CDC40: variants seen among roughly 807,000 people sequenced by gnomAD.
CDC40 encodes cell division cycle 40.
CDC40 carries 27 observed loss-of-function variants against 80.6 expected under a neutral mutation model. The observed-to-expected ratio is 0.33, with a 90% CI of 0.25 to 0.46. The LOEUF (loss-of-function observed/expected upper bound fraction) is 0.46, where lower values mean the gene tolerates loss of function less well. CDC40 is among the 20% of genes least tolerant of loss of function. The pLI is 1.00. For missense variants in CDC40, 486 were observed against 694.1 expected (o/e 0.70, Z 3.37); for synonymous variants, 221 against 232.6 (o/e 0.95, Z 0.45).
At chr6:110,223,272 A>C (rs1282219135) in intron 12 of CDC40, among the ~76,000 whole-genome samples, 1 of 152,120 alleles carries the variant, frequency 6.6e-6, no homozygotes, top group East Asian at 1.9e-4. Flanking sequence ...TTTTGTAAGA[A>C]TAGGGTCTCA....
intron 1 of CDC40, among the ~76,000 whole-genome samples, chr6:110,187,920 A>G (rs1777295981): frequency 1.3e-5 from 2 of 152,178 alleles, no homozygotes; most frequent in East Asian, 3.8e-4. Context: ...ATTGGTATTG[A>G]ATGCCTCATG....
chr6:110,209,076 TAACG>T lies in CDC40; in HGVS notation c.491-7_491-4del. ...GTTTTTTTTTTAATTTTTTTTTTGT[TAACG>T]TAGGTTTAACTGTATTTGAAACTGG... On this transcript the variant is annotated splice_region_variant and splice_polypyrimidine_tract_variant and intron_variant, in intron 4 of 14. Transcript: ENST00000307731. 3 of 1,481,814 alleles carry T rather than the reference TAACG, an allele frequency of 2.0e-6. No individual in the cohort carries two copies. The highest frequency in any genetic ancestry group is 1.3e-5 in the South Asian group (1 of 78,472). The allele number at this position is 1,481,814 out of a possible 1,614,324, so 91.8% of individuals were successfully genotyped here.
intron 1 of CDC40, among the ~76,000 whole-genome samples, chr6:110,181,682 T>C (rs1777196817): frequency 6.6e-6 from 1 of 152,212 alleles, no homozygotes; most frequent in Admixed American, 6.5e-5. Context: ...TCTTCTCCTT[T>C]CACAGCTCAG....
At chr6:110,217,946 A>G in intron 10 of CDC40, 143 bp downstream of exon 10, 1 of 530,306 alleles carries the variant, frequency 1.9e-6, no homozygotes, top group South Asian at 2.2e-5. Flanking sequence ...ATCACAAAAT[A>G]CATTTGTAAG....
At chr6:110,206,525 C>T (rs1777564956) in intron 3 of CDC40, among the ~76,000 whole-genome samples, 1 of 152,160 alleles carries the variant, frequency 6.6e-6, no homozygotes, top group Admixed American at 6.5e-5. Context: ...CTTAAATTCC[C>T]ATGGACCACT....
intron 3 of CDC40, among the ~76,000 whole-genome samples, chr6:110,207,085 C>T (rs939726613): frequency 6.6e-6 from 1 of 151,788 alleles, no homozygotes; most frequent in Admixed American, 6.6e-5. Context: ...GAGGCCAAGG[C>T]GGTGGATCAT....
intron 2 of CDC40, among the ~76,000 whole-genome samples, chr6:110,194,728 T>G (rs1777397362): frequency 6.6e-6 from 1 of 152,358 alleles, no homozygotes; most frequent in South Asian, 2.1e-4. Context: ...AAAAGTACTT[T>G]AATAAAATGG....
At chr6:110,196,410 G>T (rs113790110) in intron 2 of CDC40, among the ~76,000 whole-genome samples, 1 of 152,068 alleles carries the variant, frequency 6.6e-6, no homozygotes, top group African/African-American at 2.4e-5. Flanking sequence ...GATAGAACTC[G>T]AAGACATAGT....
At chr6:110,226,462 AAC>A (rs1209182486) in intron 13 of CDC40, among the ~76,000 whole-genome samples, 1 of 152,250 alleles carries the variant, frequency 6.6e-6, no homozygotes, top group Non-Finnish European at 1.5e-5. Flanking sequence ...AAATAAAAGA[AAC>A]AATGATTTAC....
intron 3 of CDC40, among the ~76,000 whole-genome samples, 171 bp downstream of exon 3, chr6:110,201,858 T>C (rs1424741267): frequency 6.6e-6 from 1 of 152,200 alleles, no homozygotes; most frequent in African/African-American, 2.4e-5. Flanking sequence ...GAAGGTGAAC[T>C]CATATTTTTA....
intron 1 of CDC40, among the ~76,000 whole-genome samples, chr6:110,184,460 C>T (rs1376662882): frequency 2.8e-5 from 4 of 143,596 alleles, no homozygotes; most frequent in East Asian, 2.0e-4. Flanking sequence ...AGGTATTTCT[C>T]GGTGGATCTT....
chr6:110,219,214 GA>G (rs1777736513), intron 10 of CDC40, 149 bp from the exon 11 acceptor site: 1 of 441,866 alleles, frequency 2.3e-6, no homozygotes. Flanking sequence ...AAAAATCTGT[GA>G]AAAAGAACAA....
At chr6:110,222,910 C>T (rs1457347059) in intron 12 of CDC40, among the ~76,000 whole-genome samples, 1 of 152,202 alleles carries the variant, frequency 6.6e-6, no homozygotes, top group Non-Finnish European at 1.5e-5. Flanking sequence ...CTATCCTAAG[C>T]ATTTCACGTG....
At chr6:110,183,771 TA>T (rs1192369870) in intron 1 of CDC40, among the ~76,000 whole-genome samples, 3 of 152,244 alleles carry the variant, frequency 2.0e-5, no homozygotes, top group African/African-American at 7.2e-5. Context: ...GCAGCGTTTT[TA>T]ATCTATGTTT....
rs116863646 is a variant in CDC40, at chr6:110,185,522, C to T, written c.189+4889C>T. Among the ~76,000 whole-genome samples the T allele has an allele frequency of 4.5e-3, 680 of 152,160 alleles. 46 individuals carry two copies. In the East Asian group the frequency reaches 0.11, roughly 25 times the overall value. On this transcript the variant is annotated intron_variant, in intron 1 of 14. Transcript: ENST00000307731. ...CTCCCAAAGTGCTGGATCTTTTTTT[C>T]TTAACCCTTTAAAGATACAAATACC...
chr6:110,224,167 GT>G (rs1365055096), intron 12 of CDC40: 2 of 151,924 alleles, frequency 1.3e-5, no homozygotes, highest in Non-Finnish European at 2.9e-5. Flanking sequence ...TCATAGGCAT[GT>G]TTTTTCCAGA....
chr6:110,227,016 A>AG (rs1777872303), intron 13 of CDC40, among the ~76,000 whole-genome samples: 1 of 152,156 alleles, frequency 6.6e-6, no homozygotes, highest in African/African-American at 2.4e-5. Context: ...CTCTAAAAAA[A>AG]AAAATAGTAA....
At chr6:110,225,998 C>T (rs1293834661) in intron 12 of CDC40, among the ~76,000 whole-genome samples, 169 bp from the exon 13 acceptor site, 1 of 152,200 alleles carries the variant, frequency 6.6e-6, no homozygotes, top group African/African-American at 2.4e-5. Context: ...ATAAGCAGTA[C>T]AGTGTCATCT....
Position 110,212,183 on chromosome 6 carries a change from G to A in CDC40, c.778G>A (p.Asp260Asn), listed in dbSNP as rs890438403. The A allele has an allele frequency of 6.2e-7, 1 of 1,613,252 alleles. No homozygotes were observed. Among genetic ancestry groups the A allele is most frequent in the Middle Eastern group, 1.7e-4 (1 of 6,054 alleles). Residue 260 changes from aspartate (D) to asparagine (N), a missense_variant, in exon 7 of 15, where the codon GAT (aspartate) becomes AAT (asparagine). By Grantham distance (23) the Asp-to-Asn change is conservative (BLOSUM62 1). Around this residue, in one of 3 missense-constraint regions of CDC40, gnomAD observed 381 missense variants for 492.1 expected, o/e 0.77. Coordinates refer to ENST00000307731, the MANE Select transcript of CDC40 (RefSeq NM_015891.3). Reference sequence around the variant, plus strand: ...CAGGTCCTATCTTCACATACCTCAGGATGTTGGTGTTAATCTACGGTCAAC... The same window carrying A: ...CAGGTCCTATCTTCACATACCTCAGAATGTTGGTGTTAATCTACGGTCAAC... The part of the protein sequence containing the change: ...QGRSYLHIPQ[D>N]VGVNLRSTMP...
Sources: gnomAD v4.1 joint callset for allele counts (sites outside exome capture counted in the v4.1 genomes callset) on GRCh38, gnomAD v4.1.1 for gene constraint, gnomAD v4.1.1 regional missense constraint, MANE v1.5 for transcripts, NCBI Gene and HGNC (gene_info 2026-07-23, HGNC 2026-07-21) for gene names.